CDK15: variants seen among roughly 807,000 people sequenced by gnomAD.
CDK15 encodes the protein cyclin-dependent kinase 15.
In CDK15, 62 loss-of-function variants were observed where a neutral mutation model predicts 60.3. That is an observed-to-expected ratio of 1.03 (90% CI 0.84 to 1.27). CDK15 has a LOEUF of 1.27. Ranked by LOEUF, CDK15 falls within the 50% of genes most tolerant of loss-of-function variation. CDK15 has a pLI of 0.00. For synonymous variants in CDK15, 194 were observed against 195.7 expected, an observed-to-expected ratio of 0.99 and a Z score of 0.07; for missense variants, 541 against 527.8, an observed-to-expected ratio of 1.03 and a Z score of -0.25.
At chr2:201,863,531 G>A (rs1392958844) in intron 10 of CDK15, among the ~76,000 whole-genome samples, 2 of 152,184 alleles carry the variant, frequency 1.3e-5, no homozygotes, top group East Asian at 1.9e-4. Context: ...TTTATGGCCA[G>A]TGCTTTGCAC....
At chr2:201,838,949 TG>T (rs556563135) in intron 8 of CDK15, among the ~76,000 whole-genome samples, 1 of 152,196 alleles carries the variant, frequency 6.6e-6, no homozygotes, top group Non-Finnish European at 1.5e-5. Flanking sequence ...TTTTAAGGGT[TG>T]TTTTTTTTTG....
rs190422668 is a variant in CDK15 at position 201,873,914 on chromosome 2, C to G, written c.1058+1588C>G. 3.4e-3 allele frequency among the ~76,000 whole-genome samples: 525 copies of G among 152,200 alleles called. 6 individuals carry two copies. The highest frequency in any genetic ancestry group is 0.012 in the African/African-American group (500 of 41,514). ...CTAAAAATACAAACAATTAGCCGAG[C>G]GTGGTGGCATGTGCCTGTAGTCCGA... On this transcript the variant is annotated intron_variant, in intron 11 of 13. Transcript: ENST00000652192.
intron 10 of CDK15, chr2:201,861,468 T>C (rs1698387561): frequency 1.0e-6 from 1 of 985,098 alleles, no homozygotes; most frequent in Non-Finnish European, 1.2e-6. Context: ...GAAAAATAAA[T>C]TATATTGAAT....
chr2:201,855,061 A>G (rs924246800), intron 10 of CDK15, 124 bp downstream of exon 10: 2 of 770,542 alleles, frequency 2.6e-6, no homozygotes, highest in African/African-American at 3.4e-5. Flanking sequence ...AGGAATTTCT[A>G]CATTCATATA....
intron 6 of CDK15, 137 bp from the exon 7 acceptor site, chr2:201,833,711 T>C: frequency 1.6e-6 from 1 of 635,336 alleles, no homozygotes; most frequent in Non-Finnish European, 2.3e-6. Flanking sequence ...CTTCTTCTTC[T>C]TCTTCTTTTT....
chr2:201,809,312 G>A (rs1477190928), intron 3 of CDK15, among the ~76,000 whole-genome samples: 1 of 152,114 alleles, frequency 6.6e-6, no homozygotes. Context: ...AGTTTACACA[G>A]AATTCACTTA....
At chr2:201,871,263 G>A (rs1037682780) in intron 10 of CDK15, among the ~76,000 whole-genome samples, 4 of 152,022 alleles carry the variant, frequency 2.6e-5, no homozygotes, top group African/African-American at 9.7e-5. Context: ...AGGCTCAGGT[G>A]ATCCTCCCAG....
In CDK15 at chr2:201,847,415, G is replaced by T; in HGVS notation, c.886G>T (p.Gly296Cys). 2 of 1,613,940 alleles carry T rather than the reference G, an allele frequency of 1.2e-6. No individual in the cohort carries two copies. The highest frequency in any genetic ancestry group is 1.7e-6 in the Non-Finnish European group (2 of 1,179,952). Residue 296 changes from glycine (G) to cysteine (C), a missense_variant, in exon 9 of 14, where the codon GGT becomes TGT. Gly to Cys is a radical substitution (Grantham distance 159). Coordinates refer to ENST00000652192, the MANE Select transcript of CDK15 (RefSeq NM_001366386.2). Reference sequence around the variant, plus strand: ...CTGCATCTTTATTGAAATGTTCCAGGGTCAACCTTTGTTTCCTGGGGTTTC... The same window carrying T: ...CTGCATCTTTATTGAAATGTTCCAGTGTCAACCTTTGTTTCCTGGGGTTTC... ...AGCIFIEMFQ[G>C]QPLFPGVSNI...
In CDK15 at chr2:201,851,017, C is replaced by G. The variant is rs185896147; in HGVS notation, c.945+3543C>G. ...TTATAAAGAACAGAAATTGGCCGGG[C>G]GCAGTGGCTCATGCCTGTAATCCCA... On this transcript the variant is annotated intron_variant, in intron 9 of 13. Coordinates refer to ENST00000652192, the MANE Select transcript of CDK15 (RefSeq NM_001366386.2). Among the ~76,000 whole-genome samples the G allele has an allele frequency of 1.3e-3, 196 of 152,182 alleles. 9 individuals carry two copies. The highest frequency in any genetic ancestry group is 0.012 in the Admixed American group (181 of 15,286).
At chr2:201,862,397 C>T (rs145624312) in intron 10 of CDK15, among the ~76,000 whole-genome samples, 2 of 152,316 alleles carry the variant, frequency 1.3e-5, no homozygotes, top group African/African-American at 2.4e-5. Flanking sequence ...AAGCCCCCTA[C>T]CTGGCACATA....
At chr2:201,812,421 G>A in intron 3 of CDK15, 62 bp from the exon 4 acceptor site, 1 of 992,516 alleles carries the variant, frequency 1.0e-6, no homozygotes, top group Non-Finnish European at 1.6e-6. Flanking sequence ...AGCCATCTTT[G>A]GTATAAATTG....
intron 10 of CDK15, among the ~76,000 whole-genome samples, chr2:201,862,405 A>G (rs192955766): frequency 6.6e-6 from 1 of 152,256 alleles, no homozygotes; most frequent in Non-Finnish European, 1.5e-5. Flanking sequence ...TACCTGGCAC[A>G]TAATAAGTAG....
intron 8 of CDK15, among the ~76,000 whole-genome samples, chr2:201,838,188 A>G (rs115971924): frequency 0.016 from 2,349 of 150,862 alleles, 32 homozygotes; most frequent in African/African-American, 0.032. Context: ...TCAACCAGGG[A>G]GCAATTTTGC....
In CDK15 at chr2:201,880,193, C is replaced by T. The variant is rs774154012; in HGVS notation, c.1198+26C>T. The T allele has an allele frequency of 4.7e-5, 76 of 1,610,886 alleles. No homozygotes were observed. In the Middle Eastern group the frequency reaches 6.6e-4, roughly 14 times the overall value. On this transcript the variant is annotated intron_variant, in intron 12 of 13. Transcript: ENST00000652192. Reference sequence around the variant, plus strand: ...GTGAGCGAGGGAGTGTGTGCGTGTGCGTGAGTGCATGTGCGTGAGTGCGTG... The same window carrying T: ...GTGAGCGAGGGAGTGTGTGCGTGTGTGTGAGTGCATGTGCGTGAGTGCGTG...
rs1159021534 is a variant in CDK15 at position 201,888,377 on chromosome 2, T to C, written c.1199-2408T>C. ...AAGAATCTAAAAGTTTTAAATAAAC[T>C]TGTCCTGCCGACTGTCTAGATGACT... On this transcript the variant is annotated intron_variant, in intron 12 of 13. Coordinates refer to ENST00000652192, the MANE Select transcript of CDK15 (RefSeq NM_001366386.2). 4 of 1,501,236 alleles carry C rather than the reference T, an allele frequency of 2.7e-6. No homozygotes were observed. In the Admixed American group the frequency reaches 9.8e-5, roughly 37 times the overall value. The allele number at this position is 1,501,236 out of a possible 1,614,324, so 93.0% of individuals were successfully genotyped here.
At chr2:201,865,892 CAAAAAAA>C (rs35178158) in intron 10 of CDK15, among the ~76,000 whole-genome samples, 1 of 40,088 alleles carries the variant, frequency 2.5e-5, no homozygotes, top group Non-Finnish European at 5.4e-5. Flanking sequence ...TCCATCTCAA[CAAAAAAA>C]AAAAAAAAAA....
At chr2:201,836,073 T>TTTATATATATATTTATATATA (rs869308361) in intron 8 of CDK15, among the ~76,000 whole-genome samples, 25,134 of 106,182 alleles carry the variant, frequency 0.24, 3,608 homozygotes, top group South Asian at 0.38. Flanking sequence ...TATATTTATA[T>TTTATATATATATTTATATATA]TTATATATAT....
At chr2:201,858,923 G>A (rs533558443) in intron 10 of CDK15, among the ~76,000 whole-genome samples, 117 of 152,190 alleles carry the variant, frequency 7.7e-4, no homozygotes, top group African/African-American at 2.6e-3. Context: ...TGACTCAGCC[G>A]CCAGAACACT....
chr2:201,823,559 C>G (rs4355087), intron 5 of CDK15, 106 bp from the exon 6 acceptor site: 1 of 1,016,308 alleles, frequency 9.8e-7, no homozygotes, highest in Admixed American at 1.7e-5. Context: ...TCTTAAAATT[C>G]TGTACTTCGT....
Sources: allele counts gnomAD v4.1 joint callset (sites outside exome capture counted in the v4.1 genomes callset), GRCh38; gene constraint gnomAD v4.1.1; transcripts MANE v1.5; gene names NCBI Gene and HGNC (gene_info 2026-07-23, HGNC 2026-07-21).